The following GABRB2 variants were observed in gnomAD, a reference collection of about 807,000 sequenced individuals.
The protein encoded by GABRB2 is gamma-aminobutyric acid receptor subunit beta-2.
GABRB2 carries 16 observed loss-of-function variants against 54.7 expected under a neutral mutation model. The observed-to-expected ratio is 0.29, with a 90% CI of 0.20 to 0.44. The LOEUF (loss-of-function observed/expected upper bound fraction) is 0.44, where lower values mean the gene tolerates loss of function less well. Ranked by LOEUF, GABRB2 falls within the 20% of genes least tolerant of loss-of-function variation. The probability of loss-of-function intolerance (pLI) is 1.00; values close to 1 mark genes in which losing one functional copy is unlikely to be tolerated. For missense variants in GABRB2, 355 were observed against 644.0 expected (o/e 0.55, Z 4.86); for synonymous variants, 244 against 233.8 (o/e 1.04, Z -0.40).
chr5:161,331,645 A>C (rs1335347935), intron 7 of GABRB2, among the ~76,000 whole-genome samples: 2 of 152,164 alleles, frequency 1.3e-5, no homozygotes, highest in South Asian at 2.1e-4. Flanking sequence ...GTCCATTACC[A>C]TGATCTCGGA....
At chr5:161,395,436 T>G (rs1755964817) in intron 5 of GABRB2, among the ~76,000 whole-genome samples, 1 of 152,136 alleles carries the variant, frequency 6.6e-6, no homozygotes, top group Non-Finnish European at 1.5e-5. Flanking sequence ...AGTTCTGAGA[T>G]TTACAATGCT....
chr5:161,494,315 A>T (rs897150356), intron 3 of GABRB2, among the ~76,000 whole-genome samples: 2 of 151,884 alleles, frequency 1.3e-5, no homozygotes, highest in Non-Finnish European at 2.9e-5. Context: ...GACTGTCTAC[A>T]CTTGATGACA....
At chr5:161,472,833 C>A (rs900430804) in intron 3 of GABRB2, among the ~76,000 whole-genome samples, 1 of 151,856 alleles carries the variant, frequency 6.6e-6, no homozygotes, top group Non-Finnish European at 1.5e-5. Context: ...CAGGAAGATT[C>A]TTTTCGGCAG....
chr5:161,388,197 T>C (rs971289949), intron 5 of GABRB2, among the ~76,000 whole-genome samples: 6 of 152,236 alleles, frequency 3.9e-5, no homozygotes, highest in African/African-American at 7.2e-5. Flanking sequence ...GTGCAAAAAG[T>C]ATCTATGGAT....
chr5:161,463,582 T>TATATAA lies in GABRB2; in HGVS notation c.238-3739_238-3738insTTATAT, dbSNP rs1561659583. On this transcript the variant is annotated intron_variant, in intron 3 of 9. Transcript: ENST00000393959. ...ATATATATATATATATATATATATA[T>TATATAA]ATATATATATATATATATGAAAGAG... 1.1e-4 allele frequency among the ~76,000 whole-genome samples: 13 copies of TATATAA among 121,776 alleles called. 1 individual carries two copies. In the East Asian group the frequency reaches 2.8e-3, roughly 26 times the overall value. The allele number at this position is 121,776 out of a possible 152,430, so 79.9% of individuals were successfully genotyped here.
chr5:161,385,948 GTGT>G (rs756506864), intron 5 of GABRB2, among the ~76,000 whole-genome samples: 3,029 of 108,228 alleles, frequency 0.028, 80 homozygotes, highest in South Asian at 0.067. Flanking sequence ...CTATTGTCTG[GTGT>G]GTGTGTGTGT....
chr5:161,408,539 G>C (rs941795411), intron 5 of GABRB2, among the ~76,000 whole-genome samples: 3 of 152,028 alleles, frequency 2.0e-5, no homozygotes, highest in African/African-American at 4.8e-5. Flanking sequence ...CAATCCTAAT[G>C]TTCCCTGACT....
At chr5:161,400,809 G>C (rs907246155) in intron 5 of GABRB2, among the ~76,000 whole-genome samples, 21 of 152,144 alleles carry the variant, frequency 1.4e-4, no homozygotes, top group African/African-American at 4.8e-4. Context: ...CTGGTCAAAG[G>C]GGTGAGTTGT....
At chr5:161,499,117 G>T (rs1043149449) in intron 3 of GABRB2, among the ~76,000 whole-genome samples, 13 of 151,950 alleles carry the variant, frequency 8.6e-5, no homozygotes, top group Non-Finnish European at 1.8e-4. Flanking sequence ...TTGGCCCCCT[G>T]GACCCACTTT....
chr5:161,335,718 G>T (rs1178212079), intron 6 of GABRB2, among the ~76,000 whole-genome samples: 2 of 152,120 alleles, frequency 1.3e-5, no homozygotes. Context: ...AATATTCTAA[G>T]TAGGAACTCA....
At chr5:161,388,704 C>A (rs1180822656) in intron 5 of GABRB2, among the ~76,000 whole-genome samples, 1 of 151,768 alleles carries the variant, frequency 6.6e-6, no homozygotes, top group Non-Finnish European at 1.5e-5. Context: ...TGCTTTAGGG[C>A]TTTGTGTCTT....
At chr5:161,491,709 T>G (rs909040248) in intron 3 of GABRB2, among the ~76,000 whole-genome samples, 4 of 151,590 alleles carry the variant, frequency 2.6e-5, no homozygotes, top group African/African-American at 9.7e-5. Context: ...GTAAGAGAGG[T>G]ACGCCTAGAA....
chr5:161,460,798 G>A (rs964086083), intron 3 of GABRB2, among the ~76,000 whole-genome samples: 1 of 152,100 alleles, frequency 6.6e-6, no homozygotes, highest in Admixed American at 6.5e-5. Flanking sequence ...ACAGAATCAT[G>A]TAAAATTATG....
chr5:161,373,684 T>TA (rs1755198023), intron 5 of GABRB2, among the ~76,000 whole-genome samples: 1 of 152,178 alleles, frequency 6.6e-6, no homozygotes, highest in African/African-American at 2.4e-5. Flanking sequence ...TTCTCAGTTA[T>TA]TATATATTCC....
intron 4 of GABRB2, among the ~76,000 whole-genome samples, chr5:161,444,333 A>C (rs1372866568): frequency 6.6e-6 from 1 of 152,214 alleles, no homozygotes; most frequent in Admixed American, 6.5e-5. Flanking sequence ...TCATGAATAA[A>C]AGAGAACATC....
At chr5:161,429,357 A>AAAAAAAAAAAAAAAAAAAAAAAAT (rs1402875797) in intron 4 of GABRB2, among the ~76,000 whole-genome samples, 9 of 108,240 alleles carry the variant, frequency 8.3e-5, no homozygotes, top group African/African-American at 2.6e-4. Context: ...AAAAAAAAAA[A>AAAAAAAAAAAAAAAAAAAAAAAAT]AGAAAAAGAA....
intron 7 of GABRB2, among the ~76,000 whole-genome samples, chr5:161,331,382 T>C (rs1753834962): frequency 6.6e-6 from 1 of 152,160 alleles, no homozygotes; most frequent in African/African-American, 2.4e-5. Context: ...AGTGCGGGGT[T>C]AAAACGTGAA....
At chr5:161,299,634 C>G (rs1308907199) in intron 9 of GABRB2, among the ~76,000 whole-genome samples, 1 of 152,000 alleles carries the variant, frequency 6.6e-6, no homozygotes, top group Non-Finnish European at 1.5e-5. Flanking sequence ...CTTTCTTTCT[C>G]TCCCTCTTTC....
rs576145034 is a variant in GABRB2 at position 161,344,161 on chromosome 5, G to T, written c.542-7392C>A. On this transcript the variant is annotated intron_variant, in intron 5 of 9. Coordinates refer to ENST00000393959, the MANE Select transcript of GABRB2 (RefSeq NM_001371727.1). ...AGAACAAAATTTTTTCTGAACAAAG[G>T]TTTTCATAAGCTCCAGCATTAAAAT... 9.7e-4 allele frequency among the ~76,000 whole-genome samples: 147 copies of T among 152,078 alleles called. 2 individuals are homozygous for T. Among genetic ancestry groups the T allele is most frequent in the African/African-American group, 3.4e-3 (141 of 41,508 alleles).
Sources: allele counts gnomAD v4.1 joint callset (sites outside exome capture counted in the v4.1 genomes callset), GRCh38; gene constraint gnomAD v4.1.1; transcripts MANE v1.5; gene names NCBI Gene and HGNC (gene_info 2026-07-23, HGNC 2026-07-21).